The following MECOM variants were observed in gnomAD, a reference collection of about 807,000 sequenced individuals.
MECOM encodes histone-lysine N-methyltransferase MECOM.
Under a neutral mutation model 116.3 loss-of-function variants are expected in MECOM, and 13 were observed. The observed-to-expected ratio is 0.11, with a 90% CI of 0.07 to 0.18. The LOEUF is 0.18. Ranked by LOEUF, MECOM falls within the 10% of genes least tolerant of loss-of-function variation. The pLI, the probability that MECOM is intolerant of heterozygous loss-of-function variation, is 1.00. For missense variants in MECOM, 1,299 were observed against 1,509.0 expected (o/e 0.86, Z 2.31); for synonymous variants, 528 against 535.2 (o/e 0.99, Z 0.19).
At chr3:169,095,284 T>C (rs775317919) in intron 12 of MECOM, 39 bp from the exon 13 acceptor site, 1 of 1,564,110 alleles carries the variant, frequency 6.4e-7, no homozygotes, top group Admixed American at 1.8e-5. Flanking sequence ...GCAAGCACAT[T>C]AAAAGGTATT....
At chr3:169,246,569 C>T (rs981557134) in intron 2 of MECOM, among the ~76,000 whole-genome samples, 6 of 145,874 alleles carry the variant, frequency 4.1e-5, no homozygotes, top group Non-Finnish European at 8.9e-5. Flanking sequence ...CACTATGTCA[C>T]CCAGGCTGGA....
At chr3:169,570,350 G>A (rs1039129839) in intron 1 of MECOM, among the ~76,000 whole-genome samples, 2 of 152,042 alleles carry the variant, frequency 1.3e-5, no homozygotes, top group African/African-American at 4.8e-5. Flanking sequence ...GTAATTAATA[G>A]CCTACCAATC....
At chr3:169,144,996 C>T in intron 2 of MECOM, 1 of 1,562,100 alleles carries the variant, frequency 6.4e-7, no homozygotes, top group Non-Finnish European at 8.7e-7. Context: ...CATTAACTCA[C>T]CATATACTTC....
At chr3:169,212,672 A>AAAAG (rs1750917208) in intron 2 of MECOM, among the ~76,000 whole-genome samples, 1 of 111,436 alleles carries the variant, frequency 9.0e-6, no homozygotes, top group Non-Finnish European at 1.9e-5. Flanking sequence ...ATATATATAT[A>AAAAG]TATATATATA....
intron 2 of MECOM, among the ~76,000 whole-genome samples, chr3:169,220,768 C>T (rs1398838753): frequency 6.6e-6 from 1 of 152,208 alleles, no homozygotes; most frequent in African/African-American, 2.4e-5. Context: ...AGCCACCGTG[C>T]CTGCCAATAA....
At chr3:169,128,592 A>G (rs1257097099) in intron 4 of MECOM, among the ~76,000 whole-genome samples, 1 of 127,688 alleles carries the variant, frequency 7.8e-6, no homozygotes, top group Non-Finnish European at 1.6e-5. Context: ...CATGGGACAC[A>G]GAGTCCCTAT....
intron 2 of MECOM, among the ~76,000 whole-genome samples, chr3:169,236,640 C>T (rs965322327): frequency 3.3e-5 from 5 of 151,904 alleles, no homozygotes; most frequent in Admixed American, 6.6e-5. Flanking sequence ...GTATACACCT[C>T]GAAGAGCCGT....
chr3:169,129,039 C>T (rs1393768019), intron 4 of MECOM, among the ~76,000 whole-genome samples: 1 of 152,142 alleles, frequency 6.6e-6, no homozygotes, highest in Non-Finnish European at 1.5e-5. Context: ...GAAGATGTTA[C>T]TCTTCAATTG....
intron 2 of MECOM, among the ~76,000 whole-genome samples, chr3:169,376,019 A>T (rs893993082): frequency 5.9e-5 from 9 of 151,976 alleles, no homozygotes; most frequent in African/African-American, 1.9e-4. Flanking sequence ...GCAAGGCTGG[A>T]TCAACATACA....
intron 2 of MECOM, among the ~76,000 whole-genome samples, chr3:169,202,307 C>G (rs1749270727): frequency 6.6e-6 from 1 of 151,932 alleles, no homozygotes; most frequent in Admixed American, 6.6e-5. Context: ...GAAAAGCAAA[C>G]CAGTGTTATT....
intron 9 of MECOM, 79 bp downstream of exon 9, chr3:169,112,708 T>C (rs1048027262): frequency 4.8e-6 from 5 of 1,051,848 alleles, no homozygotes; most frequent in Admixed American, 1.9e-5. Context: ...TCTCAAGATG[T>C]CTTTCATTTC....
intron 13 of MECOM, among the ~76,000 whole-genome samples, chr3:169,093,621 T>C (rs1379846272): frequency 6.6e-6 from 1 of 152,174 alleles, no homozygotes; most frequent in Non-Finnish European, 1.5e-5. Flanking sequence ...CTCAGAACAC[T>C]CCAGTCCAGG....
At chr3:169,358,585 G>T (rs1727686382) in intron 2 of MECOM, among the ~76,000 whole-genome samples, 1 of 151,022 alleles carries the variant, frequency 6.6e-6, no homozygotes, top group African/African-American at 2.4e-5. Context: ...GATGGTAGAA[G>T]GGTTTTGAGC....
intron 2 of MECOM, among the ~76,000 whole-genome samples, chr3:169,236,967 C>G (rs1378849618): frequency 1.3e-5 from 2 of 152,204 alleles, no homozygotes; most frequent in Non-Finnish European, 2.9e-5. Context: ...TAGCTTCTTA[C>G]TTGACCTCTC....
intron 2 of MECOM, among the ~76,000 whole-genome samples, chr3:169,223,833 G>A (rs747603062): frequency 1.5e-4 from 23 of 152,104 alleles, no homozygotes; most frequent in East Asian, 1.3e-3. Flanking sequence ...GATTTGGACC[G>A]TGAGCCCCTC....
rs1382432560 is a variant in MECOM, at chr3:169,611,086, T to A, written c.37+52250A>T. On this transcript the variant is annotated intron_variant, in intron 1 of 16. Transcript: ENST00000651503. This position sits in a 1 kb window ranked among gnomAD's most constrained non-coding sequence, Gnocchi z 4.1. ...TAGATTCTGAGTCAGTGAGCTGAAGTGGAGCTGATAAATCTGTTTTTGTTG... is the reference window on the plus strand; with the variant it reads ...TAGATTCTGAGTCAGTGAGCTGAAGAGGAGCTGATAAATCTGTTTTTGTTG... Among the ~76,000 whole-genome samples the A allele has an allele frequency of 6.6e-6, 1 of 152,190 alleles. No homozygotes were observed. The highest frequency in any genetic ancestry group is 2.1e-4 in the South Asian group (1 of 4,834).
chr3:169,454,364 A>T (rs1746117182), intron 1 of MECOM, among the ~76,000 whole-genome samples: 1 of 138,022 alleles, frequency 7.2e-6, no homozygotes. Flanking sequence ...GAAACTTATG[A>T]TGGTAATGTA....
chr3:169,246,487 T>C (rs1755593929), intron 2 of MECOM, among the ~76,000 whole-genome samples: 1 of 152,136 alleles, frequency 6.6e-6, no homozygotes, highest in Non-Finnish European at 1.5e-5. Context: ...TAAAAGTTAA[T>C]TAGATTATCT....
At chr3:169,428,253 C>A (rs1335178004) in intron 1 of MECOM, among the ~76,000 whole-genome samples, 3 of 152,190 alleles carry the variant, frequency 2.0e-5, no homozygotes, top group Non-Finnish European at 2.9e-5. Context: ...TGGTCCCCAA[C>A]CTTTTGTAAA....
Sources: gnomAD v4.1 joint callset for allele counts (sites outside exome capture counted in the v4.1 genomes callset) on GRCh38, gnomAD v4.1.1 for gene constraint, Gnocchi (gnomAD v3.1) non-coding constraint, MANE v1.5 for transcripts, NCBI Gene and HGNC (gene_info 2026-07-23, HGNC 2026-07-21) for gene names.